The following PCDHA2 variants were observed in gnomAD, a reference collection of about 807,000 sequenced individuals.
PCDHA2 encodes the protein protocadherin alpha 2.
PCDHA2 carries 58 observed loss-of-function variants against 66.0 expected under a neutral mutation model. The ratio of observed to expected loss-of-function variants is 0.88; its 90% CI spans 0.71 to 1.09. The LOEUF (loss-of-function observed/expected upper bound fraction) is 1.09, where lower values mean the gene tolerates loss of function less well. Ranked by LOEUF, PCDHA2 falls within the 50% of genes least tolerant of loss-of-function variation. PCDHA2 has a pLI of 0.00. For synonymous variants in PCDHA2, 634 were observed against 554.0 expected (o/e 1.14, Z -2.03); for missense variants, 1,267 against 1,242.3 (o/e 1.02, Z -0.30).
At chr5:141,000,993 C>A (rs1273666357) in intron 3 of PCDHA2, among the ~76,000 whole-genome samples, 1 of 151,964 alleles carries the variant, frequency 6.6e-6, no homozygotes, top group Non-Finnish European at 1.5e-5. Context: ...AATAAATATG[C>A]TTTAAATATG....
chr5:140,880,889 G>T (rs1554171573), intron 1 of PCDHA2, among the ~76,000 whole-genome samples: 1 of 152,130 alleles, frequency 6.6e-6, no homozygotes, highest in Admixed American at 6.6e-5. Context: ...GAAATGTAGG[G>T]CCAGATAGAA....
At chr5:140,813,005 T>A (rs1765210472) in intron 1 of PCDHA2, 1 of 152,232 alleles carries the variant, frequency 6.6e-6, no homozygotes, top group African/African-American at 2.4e-5. Flanking sequence ...AGAAAAGATA[T>A]TTAGTAGGAT....
intron 1 of PCDHA2, chr5:140,863,482 A>C (rs2048042905): frequency 4.3e-6 from 2 of 466,950 alleles, no homozygotes; most frequent in East Asian, 1.2e-4. Context: ...TCGCCTCCCA[A>C]GGTCAACATT....
intron 1 of PCDHA2, chr5:140,843,190 C>G (rs2150354954): frequency 1.3e-6 from 2 of 1,595,984 alleles, no homozygotes; most frequent in South Asian, 1.1e-5. Context: ...TCCCGTTCCG[C>G]GTGGGGCTGT....
Position 140,982,515 on chromosome 5 carries a change from C to A in PCDHA2, c.2488C>A (p.Pro830Thr), listed in dbSNP as rs1278779763. ...LEEAGILRAG[P>T]GGPDQQWPTV... ...GGAGGCTGGCATTCTACGGGCTGGT[C>A]CAGGAGGGCCTGATCAGCAGTGGCC... Residue 830 changes from proline (P) to threonine (T), a missense_variant, in exon 3 of 4, where the codon CCA becomes ACA. Pro to Thr is a conservative substitution (Grantham distance 38, BLOSUM62 -1). Transcript: ENST00000526136. 3 of 1,614,058 alleles carry A rather than the reference C, an allele frequency of 1.9e-6. No individual in the cohort carries two copies. Among genetic ancestry groups the A allele is most frequent in the Middle Eastern group, 1.6e-4 (1 of 6,080 alleles).
intron 1 of PCDHA2, chr5:140,928,814 A>T (rs782622875): frequency 5.6e-6 from 9 of 1,614,150 alleles, no homozygotes; most frequent in Non-Finnish European, 7.6e-6. Context: ...GTTCGGGACC[A>T]TGGAGACCCA....
chr5:140,837,077 TATAA>T (rs1774901335), intron 1 of PCDHA2: 1 of 173,054 alleles, frequency 5.8e-6, no homozygotes. Context: ...AATCAATACC[TATAA>T]ATGTTATAGT....
At chr5:140,806,160 G>C (rs1444505962) in intron 1 of PCDHA2, among the ~76,000 whole-genome samples, 5 of 152,112 alleles carry the variant, frequency 3.3e-5, no homozygotes, top group African/African-American at 1.2e-4. Context: ...GTTATAAAAT[G>C]GGGTAAATTG....
Position 140,852,727 on chromosome 5 carries a change from G to A in PCDHA2, c.2388+55375G>A, listed in dbSNP as rs1395858951. 8.1e-6 allele frequency: 8 copies of A among 983,412 alleles called. 1 individual carries two copies. The South Asian group carries it at 2.9e-4, about 35-fold the overall frequency. The allele number at this position is 983,412 out of a possible 1,614,324, so 60.9% of individuals were successfully genotyped here. The stretch of plus-strand genomic sequence containing the variant: ...ATCTTTGTCTTTGCACGTTTTTCAA[G>A]TTTCATGTGCCATTTAAACTTGGAC... On this transcript the variant is annotated intron_variant, in intron 1 of 3. Transcript: ENST00000526136.
intron 1 of PCDHA2, chr5:140,835,375 C>T: frequency 1.2e-6 from 2 of 1,613,976 alleles, no homozygotes; most frequent in Non-Finnish European, 1.7e-6. Flanking sequence ...CCACCCCTGG[C>T]TGGTCATTGT....
Position 140,901,601 on chromosome 5 carries a change from A to T in PCDHA2, c.2389-77348A>T, listed in dbSNP as rs1448240708. Among the ~76,000 whole-genome samples, 3 of 152,078 alleles carry T rather than the reference A, an allele frequency of 2.0e-5. 1 individual carries two copies. The highest frequency in any genetic ancestry group is 1.3e-4 in the Admixed American group (2 of 15,264). On this transcript the variant is annotated intron_variant, in intron 1 of 3. Transcript: ENST00000526136. Reference sequence around the variant, plus strand: ...AGTGCCATGATGTTTTGGTTACTATATCTCTATGGTATAATTTGAAGTCAG... The same window carrying T: ...AGTGCCATGATGTTTTGGTTACTATTTCTCTATGGTATAATTTGAAGTCAG...
Position 140,831,077 on chromosome 5 carries a change from G to A in PCDHA2, c.2388+33725G>A, listed in dbSNP as rs2150191421. The A allele has an allele frequency of 5.9e-5, 9 of 152,244 alleles. No individual in the cohort carries two copies. The South Asian group carries it at 8.3e-4, about 14-fold the overall frequency. The allele number at this position is 152,244 out of a possible 1,614,324, so 9.4% of individuals were successfully genotyped here. ...ATTGTCCCCCTTTTAAACCATTGAG[G>A]AATAAAGGACAAAAACAATAGTTAT... On this transcript the variant is annotated intron_variant, in intron 1 of 3. Coordinates refer to ENST00000526136, the MANE Select transcript of PCDHA2 (RefSeq NM_018905.3).
At chr5:140,934,738 C>T (rs1342430086) in intron 1 of PCDHA2, among the ~76,000 whole-genome samples, 1 of 152,078 alleles carries the variant, frequency 6.6e-6, no homozygotes, top group Admixed American at 6.5e-5. Flanking sequence ...TTTTAGGTGT[C>T]ATTATGAACT....
chr5:140,982,789 G>A (rs894929116), intron 3 of PCDHA2, among the ~76,000 whole-genome samples: 3 of 151,400 alleles, frequency 2.0e-5, no homozygotes, highest in Admixed American at 6.5e-5. Context: ...GTGCACGCAT[G>A]TGTGCATGTG....
At position 140,796,687 on chromosome 5, in the gene PCDHA2, G is replaced by A. The variant is rs1554120045; in HGVS notation, c.1723G>A (p.Gly575Ser). The part of the protein sequence containing the change: ...LLAPRAGTAA[G>S]AVSELVPWSV... ...GGCGCCTAGGGCTGGCACCGCTGCT[G>A]GCGCAGTGAGTGAGCTGGTGCCGTG... The change falls in exon 1 of 4, where the codon GGC becomes AGC. Residue 575 changes from glycine (G) to serine (S), a missense_variant. By Grantham distance (56) the Gly-to-Ser change is moderately conservative. Coordinates refer to ENST00000526136, the MANE Select transcript of PCDHA2 (RefSeq NM_018905.3). 6.2e-7 allele frequency: 1 copy of A among 1,613,948 alleles called. No individual in the cohort carries two copies. Among genetic ancestry groups the A allele is most frequent in the East Asian group, 2.2e-5 (1 of 44,874 alleles).
chr5:140,921,268 C>G (rs2080134153), intron 1 of PCDHA2, among the ~76,000 whole-genome samples: 1 of 151,980 alleles, frequency 6.6e-6, no homozygotes, highest in Non-Finnish European at 1.5e-5. Context: ...GACTTTTATA[C>G]TTACTTGAAA....
chr5:141,000,737 G>A (rs1449947824), intron 3 of PCDHA2, among the ~76,000 whole-genome samples: 21 of 149,738 alleles, frequency 1.4e-4, no homozygotes, highest in African/African-American at 5.0e-4. Context: ...CCCTATCTCT[G>A]TATATTAAAA....
At chr5:140,857,863 G>A in intron 1 of PCDHA2, 2 of 1,597,840 alleles carry the variant, frequency 1.3e-6, no homozygotes, top group Non-Finnish European at 8.6e-7. Flanking sequence ...ACAACGCGTG[G>A]CTGTCGTATG....
intron 1 of PCDHA2, among the ~76,000 whole-genome samples, chr5:140,840,117 TG>T (rs1426116905): frequency 6.6e-6 from 1 of 151,944 alleles, no homozygotes; most frequent in African/African-American, 2.4e-5. Flanking sequence ...GAGTGAAAGC[TG>T]TACTAATAAG....
Sources: gnomAD v4.1 joint callset for allele counts (sites outside exome capture counted in the v4.1 genomes callset) on GRCh38, gnomAD v4.1.1 for gene constraint, MANE v1.5 for transcripts, NCBI Gene and HGNC (gene_info 2026-07-23, HGNC 2026-07-21) for gene names.